Variants in PLIN3 observed in about 807,000 individuals in gnomAD.
The protein encoded by PLIN3 is perilipin 3.
Under a neutral mutation model 35.9 loss-of-function variants are expected in PLIN3, and 30 were observed. The observed-to-expected ratio is 0.84, with a 90% CI of 0.62 to 1.13. The LOEUF is 1.13. PLIN3 is among the 50% of genes most tolerant of loss of function. The pLI, the probability that PLIN3 is intolerant of heterozygous loss-of-function variation, is 0.00. For missense variants in PLIN3, 603 were observed against 596.9 expected (o/e 1.01, Z -0.11); for synonymous variants, 261 against 262.5 (o/e 0.99, Z 0.06).
chr19:4,840,740 C>A (rs2029879439), intron 7 of PLIN3, among the ~76,000 whole-genome samples: 1 of 152,052 alleles, frequency 6.6e-6, no homozygotes, highest in African/African-American at 2.4e-5. Context: ...TCACCGAGGT[C>A]AGGAGTTCAG....
At chr19:4,861,177 G>T (rs533128035) in intron 2 of PLIN3, 152 bp downstream of exon 2, 7 of 667,784 alleles carry the variant, frequency 1.0e-5, no homozygotes, top group African/African-American at 7.2e-5. Context: ...GGACACCAGT[G>T]AGTGGTCCAT....
rs1356265088 is a variant in PLIN3, at chr19:4,846,860, T to C, written c.834+831A>G. ...CCAGAAATGTGAGAAAATAAATATC[T>C]GTTGTTTACATTTCCCAGACAGTAC... On this transcript the variant is annotated intron_variant, in intron 6 of 7. Transcript: ENST00000221957. 4.6e-5 allele frequency among the ~76,000 whole-genome samples: 7 copies of C among 151,682 alleles called. No homozygotes were observed. The Admixed American group carries it at 4.6e-4, about 10-fold the overall frequency.
At chr19:4,858,697 TTTG>T (rs138462864) in intron 4 of PLIN3, among the ~76,000 whole-genome samples, 12,329 of 58,800 alleles carry the variant, frequency 0.21, 829 homozygotes, top group South Asian at 0.36. Flanking sequence ...ATGGTGTTTT[TTTG>T]GTTTTTTTTT....
At chr19:4,867,575 C>A (rs1340136883) in intron 1 of PLIN3, 34 bp downstream of exon 1, 4 of 152,058 alleles carry the variant, frequency 2.6e-5, no homozygotes, top group Non-Finnish European at 5.9e-5. Flanking sequence ...TGGACACCGC[C>A]CCCCAGCTCA....
chr19:4,849,441 C>T (rs1240232662), intron 5 of PLIN3, among the ~76,000 whole-genome samples: 1 of 151,812 alleles, frequency 6.6e-6, no homozygotes, highest in Admixed American at 6.6e-5. Flanking sequence ...CAAATAGCAA[C>T]TGGGACTACA....
intron 4 of PLIN3, among the ~76,000 whole-genome samples, chr19:4,855,594 G>T (rs1047775273): frequency 6.6e-6 from 1 of 152,072 alleles, no homozygotes; most frequent in African/African-American, 2.4e-5. Context: ...CCAGGAGTTT[G>T]TTTTTTGTTT....
chr19:4,859,477 G>C, intron 4 of PLIN3, 113 bp downstream of exon 4: 2 of 888,232 alleles, frequency 2.3e-6, no homozygotes, highest in South Asian at 1.4e-5. Context: ...GAACCGACAG[G>C]AGAGGCAGCA....
intron 7 of PLIN3, among the ~76,000 whole-genome samples, chr19:4,843,965 T>G (rs1007915390): frequency 6.6e-6 from 1 of 152,200 alleles, no homozygotes; most frequent in African/African-American, 2.4e-5. Flanking sequence ...CTTCATCTAA[T>G]TTCAGGACAT....
chr19:4,846,441 G>A (rs2030100126), intron 6 of PLIN3, among the ~76,000 whole-genome samples: 1 of 152,006 alleles, frequency 6.6e-6, no homozygotes, highest in African/African-American at 2.4e-5. Flanking sequence ...GCTCGTGTCT[G>A]TAATCCCAGC....
chr19:4,843,383 C>T (rs1004648234), intron 7 of PLIN3, among the ~76,000 whole-genome samples: 5 of 151,848 alleles, frequency 3.3e-5, no homozygotes, highest in African/African-American at 1.2e-4. Context: ...TGGCGGGCGC[C>T]TGTAGTCCCA....
intron 4 of PLIN3, among the ~76,000 whole-genome samples, chr19:4,856,925 C>T (rs1237824036): frequency 4.6e-5 from 7 of 151,902 alleles, no homozygotes; most frequent in Non-Finnish European, 7.4e-5. Context: ...AGGCTGGTCT[C>T]GTACTCCTGA....
At chr19:4,863,219 C>T (rs547673932) in intron 1 of PLIN3, among the ~76,000 whole-genome samples, 29 of 151,330 alleles carry the variant, frequency 1.9e-4, no homozygotes, top group South Asian at 2.1e-4. Flanking sequence ...ATTTAAAGGC[C>T]GGGTGCGGTG....
intron 4 of PLIN3, among the ~76,000 whole-genome samples, chr19:4,857,577 A>T (rs2030515730): frequency 1.3e-5 from 2 of 151,874 alleles, no homozygotes. Flanking sequence ...TCAAAAAAAA[A>T]ATTTTTTTTT....
Position 4,839,284 on chromosome 19 carries a change from C to A in PLIN3, c.1213G>T (p.Val405Leu). 1 of 1,614,106 alleles carries A rather than the reference C, an allele frequency of 6.2e-7. No individual in the cohort carries two copies. The highest frequency in any genetic ancestry group is 8.5e-7 in the Non-Finnish European group (1 of 1,180,028). The change falls in exon 8 of 8, where the codon GTG becomes TTG. Residue 405 changes from valine to leucine, a missense_variant. Physicochemically the swap from Val to Leu is conservative, Grantham distance 32. Transcript: ENST00000221957. ...GGTGTGTTCTGGGCCACATATTCCA[C>A]CATGTGGTCCAGGGCCTCGCGGGCG... is the stretch of plus-strand genomic sequence containing the variant. ...ASAREALDHM[V>L]EYVAQNTPVT...
chr19:4,844,272 T>G (rs1272600366), intron 7 of PLIN3, among the ~76,000 whole-genome samples: 4 of 152,108 alleles, frequency 2.6e-5, no homozygotes, highest in Admixed American at 2.0e-4. Context: ...AAGACCAGCC[T>G]GGCCAACATG....
intron 5 of PLIN3, 123 bp downstream of exon 5, chr19:4,851,892 GC>G: frequency 1.0e-6 from 1 of 1,004,294 alleles, no homozygotes; most frequent in Non-Finnish European, 1.5e-6. Context: ...ATTCCAAGAT[GC>G]CCGGGAGAAG....
In PLIN3 at chr19:4,838,578, TTTTC is replaced by T. The variant is rs1201751622; in HGVS notation, c.*610_*613del. On this transcript the variant is annotated 3_prime_UTR_variant, in exon 8 of 8. Coordinates refer to ENST00000221957, the MANE Select transcript of PLIN3 (RefSeq NM_005817.5). Reference sequence around the variant, plus strand: ...GATATGAACTATATCCCTGATTTTTTTTTCTTTTTTTTTTTTTTTGAGACTAAGT... The same window carrying T: ...GATATGAACTATATCCCTGATTTTTTTTTTTTTTTTTTTTTGAGACTAAGT... 6.7e-6 allele frequency: 1 copy of T among 149,180 alleles called. No individual in the cohort carries two copies. Among genetic ancestry groups the T allele is most frequent in the Non-Finnish European group, 1.5e-5 (1 of 67,686 alleles). 9.2% of individuals were successfully genotyped at this position (149,180 alleles called of 1,614,324 possible). A position where few individuals can be genotyped will look rare whatever the true frequency, so the allele number is the denominator to read the frequency against.
intron 7 of PLIN3, among the ~76,000 whole-genome samples, chr19:4,841,836 C>T (rs552039170): frequency 4.5e-5 from 6 of 132,104 alleles, no homozygotes; most frequent in African/African-American, 1.7e-4. Context: ...ATCCGGGAGG[C>T]GGAGCTTGCA....
intron 7 of PLIN3, 80 bp downstream of exon 7, chr19:4,844,588 A>G: frequency 7.2e-7 from 1 of 1,390,910 alleles, no homozygotes; most frequent in Non-Finnish European, 9.6e-7. Context: ...CGAAGCAGGT[A>G]GGCCCATGAA....
Sources: gnomAD v4.1 joint callset for allele counts (sites outside exome capture counted in the v4.1 genomes callset) on GRCh38, gnomAD v4.1.1 for gene constraint, MANE v1.5 for transcripts, NCBI Gene and HGNC (gene_info 2026-07-23, HGNC 2026-07-21) for gene names.